ZC3H12C: variants seen among roughly 807,000 people sequenced by gnomAD.
ZC3H12C encodes zinc finger CCCH-type containing 12C.
ZC3H12C carries 20 observed loss-of-function variants against 76.3 expected under a neutral mutation model. The ratio of observed to expected loss-of-function variants is 0.26; its 90% CI spans 0.18 to 0.38. ZC3H12C has a LOEUF of 0.38. Ranked by LOEUF, ZC3H12C falls within the 10% of genes least tolerant of loss-of-function variation. The pLI is 1.00. For synonymous variants in ZC3H12C, 352 were observed against 399.6 expected, an observed-to-expected ratio of 0.88 and a Z score of 1.42; for missense variants, 874 against 1,086.5, an observed-to-expected ratio of 0.80 and a Z score of 2.75.
At chr11:110,145,402 C>A (rs1211320935) in intron 2 of ZC3H12C, among the ~76,000 whole-genome samples, 1 of 152,098 alleles carries the variant, frequency 6.6e-6, no homozygotes, top group African/African-American at 2.4e-5. Context: ...AATTTAAGTT[C>A]ATTTAGCTCT....
chr11:110,162,073 T>G (rs917386650), intron 4 of ZC3H12C, among the ~76,000 whole-genome samples: 5 of 152,040 alleles, frequency 3.3e-5, no homozygotes, highest in African/African-American at 1.2e-4. Flanking sequence ...GGGGCGGAGG[T>G]TGCAGTGAGC....
chr11:110,106,445 C>T lies in ZC3H12C; in HGVS notation c.21+13013C>T, dbSNP rs185545459. Among the ~76,000 whole-genome samples the T allele has an allele frequency of 1.4e-3, 211 of 152,266 alleles. 2 individuals are homozygous for T. Among genetic ancestry groups the T allele is most frequent in the Non-Finnish European group, 2.6e-3 (178 of 68,034 alleles). On this transcript the variant is annotated intron_variant, in intron 1 of 5. Transcript: ENST00000278590. ...TGCTAAGAAGCTCATTTTGTACAGT[C>T]AGAGAGATGGAGATTGAGTTCCTGC... is the stretch of plus-strand genomic sequence containing the variant.
intron 2 of ZC3H12C, among the ~76,000 whole-genome samples, chr11:110,148,101 G>T (rs1847334918): frequency 6.6e-6 from 1 of 152,194 alleles, no homozygotes; most frequent in South Asian, 2.1e-4. Context: ...AGAGAAAGGA[G>T]CTTTCAGTTA....
rs1056783247 is a variant in ZC3H12C at position 110,136,604 on chromosome 11, A to T, written c.22-59A>T. The T allele has an allele frequency of 1.8e-5, 28 of 1,543,068 alleles. 1 individual carries two copies. The South Asian group carries it at 3.5e-4, about 20-fold the overall frequency. On this transcript the variant is annotated intron_variant, in intron 1 of 5. Coordinates refer to ENST00000278590, the MANE Select transcript of ZC3H12C (RefSeq NM_033390.2). ...TGAGTAATTCTCTTCTGACTTCTCC[A>T]TTGAGACAGAAATCTAGCCATAACT... is the stretch of plus-strand genomic sequence containing the variant.
intron 1 of ZC3H12C, among the ~76,000 whole-genome samples, chr11:110,130,115 C>A (rs1861833544): frequency 6.6e-6 from 1 of 152,024 alleles, no homozygotes; most frequent in South Asian, 2.1e-4. Context: ...TAATGAAAGA[C>A]TTTGCTTCTC....
chr11:110,140,802 G>A (rs555751116), intron 2 of ZC3H12C, among the ~76,000 whole-genome samples: 17 of 152,278 alleles, frequency 1.1e-4, no homozygotes, highest in Admixed American at 5.9e-4. Context: ...ATCCATGCTC[G>A]TATTTTCTCT....
chr11:110,127,777 T>A (rs1434805655), intron 1 of ZC3H12C, among the ~76,000 whole-genome samples: 1 of 151,826 alleles, frequency 6.6e-6, no homozygotes, highest in Non-Finnish European at 1.5e-5. Flanking sequence ...GGGCTTGTAG[T>A]CCCAGCTACT....
At chr11:110,155,051 A>G (rs584867) in intron 3 of ZC3H12C, among the ~76,000 whole-genome samples, 104,651 of 151,940 alleles carry the variant, frequency 0.69, 36,848 homozygotes, top group South Asian at 0.79. Flanking sequence ...ACTTTGGGAG[A>G]CCGAGGCAGA....
At chr11:110,100,572 G>A (rs1005761934) in intron 1 of ZC3H12C, among the ~76,000 whole-genome samples, 2 of 152,086 alleles carry the variant, frequency 1.3e-5, no homozygotes, top group African/African-American at 4.8e-5. Flanking sequence ...GGGTCACGTC[G>A]TGGTAGTTCT....
At chr11:110,138,232 A>C (rs1014171785) in intron 2 of ZC3H12C, among the ~76,000 whole-genome samples, 2 of 114,102 alleles carry the variant, frequency 1.8e-5, no homozygotes, top group African/African-American at 3.1e-5. Context: ...TGTGAAGATA[A>C]AAAGATATGT....
intron 1 of ZC3H12C, among the ~76,000 whole-genome samples, chr11:110,097,213 A>G (rs879310231): frequency 2.0e-5 from 3 of 152,258 alleles, no homozygotes; most frequent in Non-Finnish European, 2.9e-5. Flanking sequence ...AATTGCACCT[A>G]AAGTATAATG....
chr11:110,148,349 TAA>T (rs1218994340), intron 2 of ZC3H12C, among the ~76,000 whole-genome samples: 2 of 152,230 alleles, frequency 1.3e-5, no homozygotes, highest in Non-Finnish European at 2.9e-5. Flanking sequence ...CTTTTATTTT[TAA>T]AAGAGAGACC....
chr11:110,110,408 C>T (rs1308032276), intron 1 of ZC3H12C, among the ~76,000 whole-genome samples: 1 of 152,092 alleles, frequency 6.6e-6, no homozygotes, highest in Non-Finnish European at 1.5e-5. Flanking sequence ...CTTTGGCCCC[C>T]ACTGTACTCT....
At chr11:110,159,567 C>T (rs1204148893) in intron 4 of ZC3H12C, 77 bp downstream of exon 4, 1 of 1,251,046 alleles carries the variant, frequency 8.0e-7, no homozygotes, top group East Asian at 2.5e-5. Context: ...CTACAGAATT[C>T]TCTTTTTGCC....
chr11:110,129,436 T>C (rs897041268), intron 1 of ZC3H12C, among the ~76,000 whole-genome samples: 3 of 152,164 alleles, frequency 2.0e-5, no homozygotes, highest in African/African-American at 7.2e-5. Flanking sequence ...TGCATTTGAG[T>C]AGGCACAATA....
chr11:110,136,672 G>T lies in ZC3H12C; in HGVS notation c.31G>T (p.Val11Leu), dbSNP rs190876795. The change falls in exon 2 of 6, where the codon GTG (valine) becomes TTG (leucine). Residue 11 changes from valine to leucine, a missense_variant. Transcript: ENST00000278590. The stretch of plus-strand genomic sequence containing the variant: ...TTACATTTTTCTCTAGGAATACGGG[G>T]TGCTTTGCATTCAGGAATACAGAAA... MPGGGSQEYGVLCIQEYRKNS... is the reference protein window; with the variant it reads MPGGGSQEYGLLCIQEYRKNS... The T allele has an allele frequency of 7.6e-5, 123 of 1,612,110 alleles. 1 individual carries two copies. The East Asian group carries it at 2.7e-3, about 35-fold the overall frequency.
intron 2 of ZC3H12C, among the ~76,000 whole-genome samples, chr11:110,151,936 A>T (rs374106034): frequency 1.5e-3 from 228 of 151,198 alleles, no homozygotes; most frequent in African/African-American, 5.3e-3. Flanking sequence ...AGAACAAAAT[A>T]TTAATATGCC....
rs1477963659 is a variant in ZC3H12C, at chr11:110,093,400, G to C, written c.-12G>C. Reference sequence around the variant, plus strand: ...CCCGCCGCCCGCTCGCCGCTTTCTCGCGGGGCTGGCTATGCCGGGTGGCGG... The same window carrying C: ...CCCGCCGCCCGCTCGCCGCTTTCTCCCGGGGCTGGCTATGCCGGGTGGCGG... On this transcript the variant is annotated 5_prime_UTR_variant, in exon 1 of 6. Coordinates refer to ENST00000278590, the MANE Select transcript of ZC3H12C (RefSeq NM_033390.2). 2 of 1,191,496 alleles carry C rather than the reference G, an allele frequency of 1.7e-6. No individual in the cohort carries two copies. Among genetic ancestry groups the C allele is most frequent in the African/African-American group, 3.2e-5 (2 of 61,882 alleles). 73.8% of individuals were successfully genotyped at this position (1,191,496 alleles called of 1,614,324 possible). A position where few individuals can be genotyped will look rare whatever the true frequency, so the allele number is the denominator to read the frequency against.
At chr11:110,130,809 A>G (rs992736917) in intron 1 of ZC3H12C, among the ~76,000 whole-genome samples, 3 of 152,176 alleles carry the variant, frequency 2.0e-5, no homozygotes, top group Non-Finnish European at 2.9e-5. Flanking sequence ...GTTAATACAC[A>G]TGCTGCCCGG....
Sources: gnomAD v4.1 joint callset for allele counts (sites outside exome capture counted in the v4.1 genomes callset) on GRCh38, gnomAD v4.1.1 for gene constraint, MANE v1.5 for transcripts, NCBI Gene and HGNC (gene_info 2026-07-23, HGNC 2026-07-21) for gene names.